The following CYP51A1 variants were observed in gnomAD, a reference collection of about 807,000 sequenced individuals.
CYP51A1 encodes lanosterol 14-alpha demethylase.
In CYP51A1, 45 loss-of-function variants were observed where a neutral mutation model predicts 53.5. The observed-to-expected ratio is 0.84, with a 90% CI of 0.66 to 1.08. CYP51A1 has a LOEUF of 1.08. CYP51A1 is among the 50% of genes least tolerant of loss of function. CYP51A1 has a pLI of 0.00. For synonymous variants in CYP51A1, 181 were observed against 217.7 expected (o/e 0.83, Z 1.48); for missense variants, 462 against 621.7 (o/e 0.74, Z 2.73).
intron 6 of CYP51A1, 96 bp from the exon 7 acceptor site, chr7:92,123,411 G>T: frequency 9.4e-7 from 1 of 1,063,714 alleles, no homozygotes; most frequent in South Asian, 1.6e-5. Flanking sequence ...ACATTTTTCA[G>T]GTATAGTGGT....
chr7:92,134,500 TC>T, upstream of CYP51A1: 1 of 918,490 alleles, frequency 1.1e-6, no homozygotes, highest in Non-Finnish European at 1.6e-6. Flanking sequence ...ACCCCTCGGG[TC>T]CCACGCGCGC....
intron 9 of CYP51A1, 144 bp downstream of exon 9, chr7:92,116,899 TA>T: frequency 3.1e-6 from 2 of 654,894 alleles, no homozygotes; most frequent in Non-Finnish European, 2.5e-6. Context: ...CTCCAACTTA[TA>T]AAGATTCTTC....
At chr7:92,123,903 T>C (rs779966936) in intron 5 of CYP51A1, 50 bp from the exon 6 acceptor site, 43 of 1,449,654 alleles carry the variant, frequency 3.0e-5, no homozygotes, top group Middle Eastern at 1.8e-4. Context: ...AATAACCTTC[T>C]AGGATCAAAT....
chr7:92,115,724 A>G (rs769583598), intron 9 of CYP51A1, among the ~76,000 whole-genome samples: 1 of 152,252 alleles, frequency 6.6e-6, no homozygotes, highest in Non-Finnish European at 1.5e-5. Flanking sequence ...CTCATACAAT[A>G]TAAGTTCAGA....
Position 92,112,658 on chromosome 7 carries a change from G to GTCTC in CYP51A1, c.*1003_*1006dup, listed in dbSNP as rs956690068. ...GCCTAGCCAACATAGTGAAACCCCCGTCTCTACTAAAAATACAAAAAATTA... is the reference window on the plus strand; with the variant it reads ...GCCTAGCCAACATAGTGAAACCCCCGTCTCTCTCTACTAAAAATACAAAAAATTA... On this transcript the variant is annotated 3_prime_UTR_variant, in exon 10 of 10. Coordinates refer to ENST00000003100, the MANE Select transcript of CYP51A1 (RefSeq NM_000786.4). 1 of 151,792 alleles carries GTCTC rather than the reference G, an allele frequency of 6.6e-6. No individual in the cohort carries two copies. Among genetic ancestry groups the GTCTC allele is most frequent in the African/African-American group, 2.4e-5 (1 of 41,288 alleles). The allele number at this position is 151,792 out of a possible 1,614,324, so 9.4% of individuals were successfully genotyped here.
intron 2 of CYP51A1, among the ~76,000 whole-genome samples, chr7:92,131,310 C>A (rs1331106291): frequency 3.3e-5 from 5 of 152,174 alleles, no homozygotes; most frequent in Non-Finnish European, 7.4e-5. Context: ...AATGGCTTAA[C>A]TGGCACAGGG....
rs540949858 is a variant in CYP51A1, at chr7:92,131,706, T to A, written c.291+68A>T. The A allele has an allele frequency of 2.8e-4, 240 of 849,966 alleles. 1 individual carries two copies. Among genetic ancestry groups the A allele is most frequent in the African/African-American group, 1.4e-3 (81 of 57,090 alleles). 52.7% of individuals were successfully genotyped at this position (849,966 alleles called of 1,614,324 possible). ...GTTTTTAAATGTTCTGCCACTTTTTTAAAAAAGTTTAAAAAGCACTTCTCT... is the reference window on the plus strand; with the variant it reads ...GTTTTTAAATGTTCTGCCACTTTTTAAAAAAAGTTTAAAAAGCACTTCTCT... On this transcript the variant is annotated intron_variant, in intron 2 of 9. Transcript: ENST00000003100.
In CYP51A1 at chr7:92,119,442, G is replaced by A. The variant is rs1019373698; in HGVS notation, c.1087-827C>T. On this transcript the variant is annotated intron_variant, in intron 7 of 9. Coordinates refer to ENST00000003100, the MANE Select transcript of CYP51A1 (RefSeq NM_000786.4). Reference sequence around the variant, plus strand: ...ACATCCCCTAACACACACATACAGAGCCTTTCAGCAAAAGCTAGGAGACTG... The same window carrying A: ...ACATCCCCTAACACACACATACAGAACCTTTCAGCAAAAGCTAGGAGACTG... 1.2e-4 allele frequency among the ~76,000 whole-genome samples: 18 copies of A among 152,254 alleles called. 1 individual carries two copies. The highest frequency in any genetic ancestry group is 3.9e-4 in the African/African-American group (16 of 41,542).
chr7:92,128,906 C>G lies in CYP51A1; in HGVS notation c.442G>C (p.Gly148Arg). 3.1e-6 allele frequency: 5 copies of G among 1,611,702 alleles called. No individual in the cohort carries two copies. Among genetic ancestry groups the G allele is most frequent in the Non-Finnish European group, 4.2e-6 (5 of 1,179,640 alleles). ...SRLTTPVFGK[G>R]VAYDVPNPVF... The stretch of plus-strand genomic sequence containing the variant: ...GGATTAGGCACATCGTATGCAACTC[C>G]CTTCCCAAACACAGGTGTTGTCAGG... The change falls in exon 3 of 10, where the codon GGA (glycine) becomes CGA (arginine). Residue 148 changes from glycine (G) to arginine (R), a missense_variant. Transcript: ENST00000003100.
Position 92,112,480 on chromosome 7 carries a change from T to TTAAC in CYP51A1, c.*1181_*1184dup, listed in dbSNP as rs1819405606. On this transcript the variant is annotated 3_prime_UTR_variant, in exon 10 of 10. Transcript: ENST00000003100. ...CACATTTTAAAAAGAAAAAAGTTTG[T>TTAAC]TAACTGTTTTAATCAATATGAGTAG... 6.6e-6 allele frequency: 1 copy of TTAAC among 152,188 alleles called. No individual in the cohort carries two copies. 9.4% of individuals were successfully genotyped at this position (152,188 alleles called of 1,614,324 possible).
chr7:92,133,258 A>AT (rs57353833), intron 1 of CYP51A1, among the ~76,000 whole-genome samples: 10,295 of 146,126 alleles, frequency 0.07, 1,096 homozygotes, highest in African/African-American at 0.23. Context: ...GAAGAAAATG[A>AT]TTTTTTTTTT....
intron 9 of CYP51A1, 80 bp from the exon 10 acceptor site, chr7:92,113,923 T>TGCTGTTCATCTAAAATG: frequency 1.2e-6 from 1 of 841,162 alleles, no homozygotes; most frequent in Non-Finnish European, 1.9e-6. Context: ...TATCTACATT[T>TGCTGTTCATCTAAAATG]TAGATGAACA....
intron 7 of CYP51A1, among the ~76,000 whole-genome samples, chr7:92,120,052 A>G (rs1200856928): frequency 6.6e-6 from 1 of 152,222 alleles, no homozygotes; most frequent in Non-Finnish European, 1.5e-5. Flanking sequence ...TAAAATACTT[A>G]AGAATACATT....
At chr7:92,134,542 G>A, upstream of CYP51A1, 1 of 632,448 alleles carries the variant, frequency 1.6e-6, no homozygotes, top group South Asian at 2.0e-5. Flanking sequence ...GGGGCGGGAT[G>A]TTCCGCTGGC....
rs999398044 is a variant in CYP51A1, at chr7:92,117,166, G to A, written c.1229C>T (p.Ser410Phe). 1.3e-5 allele frequency: 21 copies of A among 1,614,078 alleles called. No individual in the cohort carries two copies. Among genetic ancestry groups the A allele is most frequent in the Non-Finnish European group, 1.7e-5 (20 of 1,179,976 alleles). Residue 410 changes from serine (S) to phenylalanine (F), a missense_variant, in exon 9 of 10, where the codon TCT becomes TTT. Physicochemically the swap from Ser to Phe is radical, Grantham distance 155. Coordinates refer to ENST00000003100, the MANE Select transcript of CYP51A1 (RefSeq NM_000786.4). ...TTTAAGTCTTTGATTGACAGTGGGA[G>A]AAACACACACCTGATGTCCTGGAGG... ...TIPPGHQVCV[S>F]PTVNQRLKDS...
chr7:92,134,115 C>T, intron 1 of CYP51A1, 58 bp downstream of exon 1: 3 of 1,554,806 alleles, frequency 1.9e-6, no homozygotes, highest in South Asian at 2.3e-5. Flanking sequence ...CCACGCCAGC[C>T]CTTCGGCCGC....
chr7:92,124,901 T>C (rs910992028), intron 5 of CYP51A1, among the ~76,000 whole-genome samples: 1 of 152,250 alleles, frequency 6.6e-6, no homozygotes, highest in South Asian at 2.1e-4. Flanking sequence ...CCCAGCACTA[T>C]GGGAGGCCGA....
intron 7 of CYP51A1, among the ~76,000 whole-genome samples, chr7:92,121,078 T>C (rs1819682253): frequency 6.6e-6 from 1 of 152,028 alleles, no homozygotes; most frequent in African/African-American, 2.4e-5. Context: ...TGACTTGAGG[T>C]CAGGAGTTCA....
At position 92,112,357 on chromosome 7, in the gene CYP51A1, T is replaced by C. The variant is rs2130937244; in HGVS notation, c.*1308A>G. 6.6e-6 allele frequency: 1 copy of C among 152,340 alleles called. No homozygotes were observed. The highest frequency in any genetic ancestry group is 6.5e-5 in the Admixed American group (1 of 15,308). The allele number at this position is 152,340 out of a possible 1,614,324, so 9.4% of individuals were successfully genotyped here. Reference sequence around the variant, plus strand: ...GCCCCGAGTTACAATTTGAGATAAGTTGATTCCTAAACAGAATGTGCTTTA... The same window carrying C: ...GCCCCGAGTTACAATTTGAGATAAGCTGATTCCTAAACAGAATGTGCTTTA... On this transcript the variant is annotated 3_prime_UTR_variant, in exon 10 of 10. Coordinates refer to ENST00000003100, the MANE Select transcript of CYP51A1 (RefSeq NM_000786.4).
Sources: allele counts gnomAD v4.1 joint callset (sites outside exome capture counted in the v4.1 genomes callset), GRCh38; gene constraint gnomAD v4.1.1; transcripts MANE v1.5; gene names NCBI Gene and HGNC (gene_info 2026-07-23, HGNC 2026-07-21).